Variants in SLC9D1 observed in about 807,000 individuals in gnomAD.
SLC9D1 encodes the protein putative LAG1-interacting protein.
At chr13:113,496,341 G>T in the SLC9D1 span, among the ~76,000 whole-genome samples, 4 of 152,216 alleles carry the variant, frequency 2.6e-5, no homozygotes, top group African/African-American at 7.2e-5. Flanking sequence ...TATTCAAGTT[G>T]TACTAGTAAA....
At chr13:113,540,470 C>T in the SLC9D1 span, among the ~76,000 whole-genome samples, 3 of 152,168 alleles carry the variant, frequency 2.0e-5, no homozygotes, top group Non-Finnish European at 2.9e-5. Flanking sequence ...TTTTGATTTG[C>T]GTTTCTCTAA....
the SLC9D1 span, chr13:113,528,725 A>G: frequency 6.8e-6 from 1 of 147,008 alleles, no homozygotes; most frequent in Non-Finnish European, 1.5e-5. Context: ...TCCTTATGAT[A>G]AGAGGGTCCT....
the SLC9D1 span, among the ~76,000 whole-genome samples, chr13:113,492,548 A>G: frequency 6.6e-6 from 1 of 151,994 alleles, no homozygotes; most frequent in Non-Finnish European, 1.5e-5. Flanking sequence ...TAAAATTGAG[A>G]TTTTTTTTCA....
chr13:113,519,514 A>T, the SLC9D1 span, among the ~76,000 whole-genome samples: 1 of 152,182 alleles, frequency 6.6e-6, no homozygotes, highest in African/African-American at 2.4e-5. Flanking sequence ...AGAAGGTCTC[A>T]TTTTCCTTTC....
chr13:113,534,624 T>A, the SLC9D1 span: 2 of 248,606 alleles, frequency 8.0e-6, no homozygotes, highest in Non-Finnish European at 1.5e-5. Context: ...ACCCCTCTGC[T>A]ACAAAAAATA....
chr13:113,531,412 G>A, the SLC9D1 span, among the ~76,000 whole-genome samples: 9 of 152,270 alleles, frequency 5.9e-5, no homozygotes, highest in Admixed American at 2.6e-4. Flanking sequence ...ACGGCGCCCC[G>A]TATGTGCAGA....
the SLC9D1 span, among the ~76,000 whole-genome samples, chr13:113,521,839 G>A: frequency 2.0e-5 from 3 of 152,286 alleles, no homozygotes; most frequent in Admixed American, 2.0e-4. Context: ...GGATAGGACT[G>A]TAAGCTTGAG....
At chr13:113,547,432 C>T in the SLC9D1 span, 1 of 1,399,168 alleles carries the variant, frequency 7.1e-7, no homozygotes, top group Non-Finnish European at 1.0e-6. Flanking sequence ...CAGCATAGCC[C>T]TCCCTGTGGC....
chr13:113,538,766 C>A, the SLC9D1 span, among the ~76,000 whole-genome samples: 2 of 152,232 alleles, frequency 1.3e-5, no homozygotes, highest in Non-Finnish European at 2.9e-5. Flanking sequence ...TCAGGTTGGC[C>A]GGTGTCAGCC....
chr13:113,501,668 G>T, the SLC9D1 span: 1 of 1,087,480 alleles, frequency 9.2e-7, no homozygotes. Flanking sequence ...GGGGAACTAC[G>T]TCCTGTTCTG....
the SLC9D1 span, among the ~76,000 whole-genome samples, chr13:113,498,176 T>G: frequency 6.6e-6 from 1 of 152,262 alleles, no homozygotes; most frequent in African/African-American, 2.4e-5. Flanking sequence ...TTGGCTAAGC[T>G]CAGTTATGTT....
At chr13:113,501,195 A>G in the SLC9D1 span, among the ~76,000 whole-genome samples, 1 of 152,228 alleles carries the variant, frequency 6.6e-6, no homozygotes, top group South Asian at 2.1e-4. Context: ...TATGGGGCTT[A>G]AGCAAAACAA....
chr13:113,508,165 C>T, the SLC9D1 span, among the ~76,000 whole-genome samples: 3 of 152,360 alleles, frequency 2.0e-5, no homozygotes, highest in East Asian at 5.8e-4. Context: ...AAGATAATAA[C>T]GTCAGACAAG....
At chr13:113,508,032 G>A in the SLC9D1 span, among the ~76,000 whole-genome samples, 28,172 of 152,206 alleles carry the variant, frequency 0.19, 3,448 homozygotes, top group African/African-American at 0.35. Context: ...CACGGGTCCC[G>A]TGTTGAACAG....
At chr13:113,520,431 C>T in the SLC9D1 span, 3 of 451,072 alleles carry the variant, frequency 6.7e-6, no homozygotes, top group Non-Finnish European at 1.2e-5. Context: ...TTGCAGTGAG[C>T]TGAGATCGAG....
the SLC9D1 span, chr13:113,534,132 A>G: frequency 3.1e-6 from 5 of 1,613,202 alleles, no homozygotes; most frequent in South Asian, 4.4e-5. Context: ...GTCTTGTTAT[A>G]AAGAAGTATC....
At chr13:113,496,095 T>C in the SLC9D1 span, 1 of 1,028,222 alleles carries the variant, frequency 9.7e-7, no homozygotes, top group South Asian at 1.6e-5. Flanking sequence ...GGAGAGTGCG[T>C]GCCCACATCC....
the SLC9D1 span, chr13:113,549,923 C>A: frequency 2.1e-6 from 1 of 485,220 alleles, no homozygotes; most frequent in South Asian, 2.8e-5. Flanking sequence ...TGTACAACTT[C>A]AGAATTATAA....
At chr13:113,495,622 C>T in the SLC9D1 span, 285 of 1,561,816 alleles carry the variant, frequency 1.8e-4, 1 homozygote, top group East Asian at 5.9e-3. Flanking sequence ...GTGCTGTTTC[C>T]CGTCCTTCCC....
Sources: allele counts gnomAD v4.1 joint callset (sites outside exome capture counted in the v4.1 genomes callset), GRCh38; gene constraint gnomAD v4.1.1; transcripts MANE v1.5; gene names NCBI Gene and HGNC (gene_info 2026-07-23, HGNC 2026-07-21).